Variants in NCOA2 observed in about 807,000 individuals in gnomAD.
NCOA2 encodes the protein nuclear receptor coactivator 2.
In NCOA2, 21 loss-of-function variants were observed where a neutral mutation model predicts 145.1. That is an observed-to-expected ratio of 0.14 (90% confidence interval 0.10 to 0.21). NCOA2 has a LOEUF of 0.21. Ranked by LOEUF, NCOA2 falls within the 10% of genes least tolerant of loss-of-function variation. The pLI is 1.00. For synonymous variants in NCOA2, 619 were observed against 637.5 expected, an observed-to-expected ratio of 0.97 and a Z score of 0.44; for missense variants, 1,472 against 1,837.6, an observed-to-expected ratio of 0.80 and a Z score of 3.64.
intron 4 of NCOA2, among the ~76,000 whole-genome samples, chr8:70,208,556 C>T (rs951176173): frequency 6.6e-6 from 1 of 152,124 alleles, no homozygotes; most frequent in African/African-American, 2.4e-5. Flanking sequence ...GAGAAGTCAA[C>T]GCCTCATTTC....
chr8:70,285,702 G>C (rs1439114957), intron 2 of NCOA2, among the ~76,000 whole-genome samples: 1 of 152,122 alleles, frequency 6.6e-6, no homozygotes, highest in East Asian at 1.9e-4. Context: ...TATATATATT[G>C]CTTCTGTATA....
At chr8:70,229,195 T>C (rs1347522931) in intron 2 of NCOA2, among the ~76,000 whole-genome samples, 2 of 152,242 alleles carry the variant, frequency 1.3e-5, no homozygotes, top group Non-Finnish European at 2.9e-5. Flanking sequence ...TCAACTGTAC[T>C]GATAATTATT....
At chr8:70,310,899 C>T (rs192183515) in intron 1 of NCOA2, among the ~76,000 whole-genome samples, 1 of 151,986 alleles carries the variant, frequency 6.6e-6, no homozygotes, top group African/African-American at 2.4e-5. Flanking sequence ...TCATACAATG[C>T]CAAAAAGAAC....
chr8:70,336,528 C>T (rs1807603700), intron 1 of NCOA2, among the ~76,000 whole-genome samples: 1 of 151,988 alleles, frequency 6.6e-6, no homozygotes, highest in African/African-American at 2.4e-5. Context: ...CATGGGGAGG[C>T]CTCAGGAAAC....
chr8:70,348,848 C>T (rs58356753), intron 1 of NCOA2, among the ~76,000 whole-genome samples: 3,088 of 152,086 alleles, frequency 0.02, 131 homozygotes, highest in African/African-American at 0.071. Context: ...AATGTCAAGC[C>T]AGCAGTTAAA....
At chr8:70,121,227 T>TATGC in intron 22 of NCOA2, 75 bp downstream of exon 22, 1 of 1,202,574 alleles carries the variant, frequency 8.3e-7, no homozygotes, top group Non-Finnish European at 1.2e-6. Context: ...ACAATATATC[T>TATGC]ATGCCACTTT....
intron 22 of NCOA2, among the ~76,000 whole-genome samples, chr8:70,116,408 TG>T (rs902596891): frequency 4.0e-5 from 6 of 151,558 alleles, no homozygotes; most frequent in Non-Finnish European, 7.4e-5. Flanking sequence ...AAAAATTAGC[TG>T]GGTGTGGTGG....
intron 1 of NCOA2, among the ~76,000 whole-genome samples, chr8:70,325,648 C>T (rs1026630152): frequency 6.6e-6 from 1 of 152,080 alleles, no homozygotes; most frequent in Non-Finnish European, 1.5e-5. Context: ...AGTAATCTGC[C>T]CACTTTGGCC....
the NCOA2 span, among the ~76,000 whole-genome samples, chr8:70,437,578 T>C: frequency 6.6e-6 from 1 of 152,248 alleles, no homozygotes; most frequent in East Asian, 1.9e-4. Context: ...CAAAAGTGTT[T>C]TTCTGGTAAA....
At chr8:70,170,172 G>A (rs1392684989) in intron 6 of NCOA2, 30 bp downstream of exon 6, 3 of 1,605,372 alleles carry the variant, frequency 1.9e-6, no homozygotes, top group East Asian at 4.5e-5. Flanking sequence ...GGTGACGGGA[G>A]GTAGGGAGGG....
intron 15 of NCOA2, among the ~76,000 whole-genome samples, chr8:70,133,553 A>G (rs1260967255): frequency 3.3e-5 from 5 of 152,186 alleles, no homozygotes; most frequent in African/African-American, 9.7e-5. Context: ...AGAGCTTCTG[A>G]GTTGCCTGAA....
chr8:70,247,718 A>T (rs546487588), intron 2 of NCOA2, among the ~76,000 whole-genome samples: 2 of 152,364 alleles, frequency 1.3e-5, no homozygotes, highest in African/African-American at 4.8e-5. Flanking sequence ...AGACACGCTA[A>T]CATTAACACC....
chr8:70,355,781 T>C (rs2130906065), intron 1 of NCOA2, among the ~76,000 whole-genome samples: 1 of 152,244 alleles, frequency 6.6e-6, no homozygotes, highest in Non-Finnish European at 1.5e-5. Context: ...ATGTGCAAAT[T>C]TCAAAACAAA....
At chr8:70,368,972 A>C (rs1426864656) in intron 1 of NCOA2, among the ~76,000 whole-genome samples, 1 of 152,222 alleles carries the variant, frequency 6.6e-6, no homozygotes. Context: ...AGAGTTATTA[A>C]ATGTTTTCCA....
At chr8:70,284,223 C>T (rs566524209) in intron 2 of NCOA2, among the ~76,000 whole-genome samples, 124 of 152,244 alleles carry the variant, frequency 8.1e-4, no homozygotes, top group African/African-American at 2.7e-3. Context: ...AATCTCTGGA[C>T]GGTGCTTTCA....
intron 1 of NCOA2, among the ~76,000 whole-genome samples, chr8:70,361,806 A>G (rs1472364412): frequency 1.3e-5 from 2 of 152,252 alleles, no homozygotes; most frequent in African/African-American, 4.8e-5. Context: ...AATGGGCTAA[A>G]TATTTTAAGT....
intron 1 of NCOA2, among the ~76,000 whole-genome samples, chr8:70,358,484 T>A (rs1393186033): frequency 5.9e-5 from 9 of 152,144 alleles, no homozygotes; most frequent in South Asian, 2.1e-4. Flanking sequence ...TTTTCAACAA[T>A]GATGTCAAGA....
chr8:70,424,349 T>C, the NCOA2 span: 2 of 376,628 alleles, frequency 5.3e-6, no homozygotes, highest in South Asian at 4.4e-5. Flanking sequence ...CAGTTGGGGA[T>C]CTTGAATGCA....
Position 70,156,970 on chromosome 8 carries a change from G to T in NCOA2, c.1395C>A (p.Leu465=), listed in dbSNP as rs748041118. ...ATTPQGSNYA[L]KMNSPSQSSP... Reference sequence around the variant, plus strand: ...TGCTTTGTGAGGGGCTGTTCATTTTGAGTGCATAGTTACTACCCTGAGGAG... The same window carrying T: ...TGCTTTGTGAGGGGCTGTTCATTTTTAGTGCATAGTTACTACCCTGAGGAG... The change falls in exon 11 of 23, where the codon CTC becomes CTA. Residue 465 remains leucine, a synonymous_variant. Transcript: ENST00000452400. 7 of 1,614,036 alleles carry T rather than the reference G, an allele frequency of 4.3e-6. No individual in the cohort carries two copies. The Admixed American group carries it at 1.2e-4, about 27-fold the overall frequency.
Sources: gnomAD v4.1 joint callset for allele counts (sites outside exome capture counted in the v4.1 genomes callset) on GRCh38, gnomAD v4.1.1 for gene constraint, MANE v1.5 for transcripts, NCBI Gene and HGNC (gene_info 2026-07-23, HGNC 2026-07-21) for gene names.